TUSC3: variants seen among roughly 807,000 people sequenced by gnomAD.
TUSC3 encodes the protein tumor suppressor candidate 3.
TUSC3 carries 45 observed loss-of-function variants against 44.8 expected under a neutral mutation model. The observed-to-expected ratio is 1.00, with a 90% CI of 0.79 to 1.29. TUSC3 has a LOEUF of 1.29. TUSC3 is among the 50% of genes most tolerant of loss of function. The probability of loss-of-function intolerance (pLI) is 0.00; values close to 1 mark genes in which losing one functional copy is unlikely to be tolerated. For missense variants in TUSC3, 519 were observed against 437.9 expected (o/e 1.19, Z -1.65); for synonymous variants, 212 against 152.9 (o/e 1.39, Z -2.85).
rs1285112487 is a variant in TUSC3 at position 15,738,832 on chromosome 8, T to TTTTTTCTTTC, written c.863-4701_863-4700insCTTTCTTTTT. Among the ~76,000 whole-genome samples the TTTTTTCTTTC allele has an allele frequency of 7.6e-4, 94 of 124,020 alleles. 4 individuals carry two copies. The highest frequency in any genetic ancestry group is 1.9e-3 in the African/African-American group (59 of 31,780). 81.4% of individuals were successfully genotyped at this position (124,020 alleles called of 152,430 possible). On this transcript the variant is annotated intron_variant, in intron 7 of 10. Coordinates refer to ENST00000503731, the MANE Select transcript of TUSC3 (RefSeq NM_006765.4). The stretch of plus-strand genomic sequence containing the variant: ...ATTACTATTAATATATCTTGCTTTT[T>TTTTTTCTTTC]TTTTTTTTTTTTTTTTTTGAGAGGG...
intron 1 of TUSC3, among the ~76,000 whole-genome samples, chr8:15,429,571 T>A (rs1426483070): frequency 3.1e-5 from 2 of 63,528 alleles, no homozygotes; most frequent in Non-Finnish European, 5.3e-5. Flanking sequence ...AGTATGGCCA[T>A]TTTTTTTTCA....
intron 1 of TUSC3, among the ~76,000 whole-genome samples, chr8:15,606,012 TCTC>T (rs1172076535): frequency 4.6e-5 from 7 of 151,936 alleles, no homozygotes; most frequent in Non-Finnish European, 1.0e-4. Flanking sequence ...CACCCGAGGT[TCTC>T]CTGTATTTTT....
At chr8:15,712,205 A>T (rs1360293063) in intron 6 of TUSC3, among the ~76,000 whole-genome samples, 1 of 152,000 alleles carries the variant, frequency 6.6e-6, no homozygotes, top group Admixed American at 6.6e-5. Flanking sequence ...GGACTTTTAA[A>T]GATTATCTAA....
At chr8:15,659,462 G>T (rs1307611288) in intron 3 of TUSC3, 45 bp from the exon 4 acceptor site, 3 of 1,596,012 alleles carry the variant, frequency 1.9e-6, no homozygotes, top group Non-Finnish European at 2.6e-6. Context: ...TTGGATTAAT[G>T]ATAAGATGAT....
At chr8:15,524,529 G>A (rs1274777110) in intron 2 of TUSC3, among the ~76,000 whole-genome samples, 1 of 152,132 alleles carries the variant, frequency 6.6e-6, no homozygotes, top group African/African-American at 2.4e-5. Flanking sequence ...AATAGACCAT[G>A]TGGAAATGAT....
chr8:15,551,477 G>A (rs1346589), intron 1 of TUSC3, among the ~76,000 whole-genome samples: 128,815 of 151,506 alleles, frequency 0.85, 55,313 homozygotes, highest in Non-Finnish European at 0.87. Flanking sequence ...ATTCGTGGGG[G>A]GTAACAAAAA....
chr8:15,462,203 T>C (rs1277228445), intron 1 of TUSC3, among the ~76,000 whole-genome samples: 1 of 152,104 alleles, frequency 6.6e-6, no homozygotes, highest in African/African-American at 2.4e-5. Context: ...CTGAGCACTT[T>C]GCAGGTCATA....
At chr8:15,519,134 A>AT (rs1222920716) in intron 2 of TUSC3, among the ~76,000 whole-genome samples, 1 of 152,066 alleles carries the variant, frequency 6.6e-6, no homozygotes, top group Non-Finnish European at 1.5e-5. Context: ...TTTATTACTC[A>AT]TTTTTTAATT....
intron 1 of TUSC3, among the ~76,000 whole-genome samples, chr8:15,418,284 T>A (rs1585779530): frequency 6.6e-6 from 1 of 152,202 alleles, no homozygotes; most frequent in East Asian, 1.9e-4. Flanking sequence ...TATTCGTAAC[T>A]GCACACAATG....
chr8:15,797,772 T>A, the TUSC3 span, among the ~76,000 whole-genome samples: 1 of 152,152 alleles, frequency 6.6e-6, no homozygotes, highest in Non-Finnish European at 1.5e-5. Flanking sequence ...TTCAGCAGTG[T>A]CTAAGACAAC....
chr8:15,817,075 C>T, the TUSC3 span, among the ~76,000 whole-genome samples: 4 of 152,136 alleles, frequency 2.6e-5, no homozygotes, highest in African/African-American at 4.8e-5. Flanking sequence ...CAGTAATTTC[C>T]GTACAGTCTG....
downstream of TUSC3, among the ~76,000 whole-genome samples, chr8:15,767,480 T>G (rs1195896431): frequency 1.3e-5 from 2 of 150,150 alleles, no homozygotes; most frequent in African/African-American, 4.9e-5. Flanking sequence ...GAAATTTGTT[T>G]TAAAAAAAAA....
intron 1 of TUSC3, among the ~76,000 whole-genome samples, chr8:15,581,665 G>A (rs535979053): frequency 9.4e-5 from 14 of 149,474 alleles, no homozygotes; most frequent in East Asian, 4.0e-4. Context: ...TGAGGAGGCA[G>A]TCTGCCCGTT....
intron 1 of TUSC3, among the ~76,000 whole-genome samples, chr8:15,609,823 T>C (rs1459656521): frequency 1.3e-5 from 2 of 152,024 alleles, no homozygotes; most frequent in African/African-American, 4.8e-5. Flanking sequence ...AAAAAGGCCA[T>C]TTTCAACTAT....
chr8:15,613,329 A>C (rs1346566617), intron 1 of TUSC3, among the ~76,000 whole-genome samples: 2 of 152,074 alleles, frequency 1.3e-5, no homozygotes, highest in Non-Finnish European at 2.9e-5. Flanking sequence ...AGATTTAAAA[A>C]ATTCCCACTG....
intron 1 of TUSC3, among the ~76,000 whole-genome samples, chr8:15,480,206 G>A (rs1435801149): frequency 6.6e-6 from 1 of 152,132 alleles, no homozygotes; most frequent in Non-Finnish European, 1.5e-5. Context: ...AGAAAAACTT[G>A]CCATGCTCAA....
chr8:15,546,967 T>A (rs1801891481), intron 1 of TUSC3, among the ~76,000 whole-genome samples: 1 of 151,680 alleles, frequency 6.6e-6, no homozygotes, highest in Admixed American at 6.6e-5. Context: ...GAGAGTGATT[T>A]GAAATCTGTT....
the TUSC3 span, among the ~76,000 whole-genome samples, chr8:15,850,021 T>C: frequency 6.6e-6 from 1 of 152,012 alleles, no homozygotes; most frequent in Non-Finnish European, 1.5e-5. Flanking sequence ...ACTTCCTCTG[T>C]CTCCTCGGGG....
chr8:15,661,809 T>C (rs1807439771), intron 4 of TUSC3, among the ~76,000 whole-genome samples: 1 of 151,974 alleles, frequency 6.6e-6, no homozygotes, highest in South Asian at 2.1e-4. Flanking sequence ...TGTCTATATA[T>C]ATATATATAC....
Sources: gnomAD v4.1 joint callset for allele counts (sites outside exome capture counted in the v4.1 genomes callset) on GRCh38, gnomAD v4.1.1 for gene constraint, MANE v1.5 for transcripts, NCBI Gene and HGNC (gene_info 2026-07-23, HGNC 2026-07-21) for gene names.